The following TACC3 variants were observed in gnomAD, a reference collection of about 807,000 sequenced individuals.
TACC3 encodes transforming acidic coiled-coil-containing protein 3.
TACC3 carries 52 observed loss-of-function variants against 86.0 expected under a neutral mutation model. The ratio of observed to expected loss-of-function variants is 0.60; its 90% confidence interval spans 0.48 to 0.76. TACC3 has a LOEUF of 0.76. Among genes scored for constraint, TACC3 ranks in the 30% least tolerant of loss-of-function variants. The pLI is 0.00. For synonymous variants in TACC3, 512 were observed against 430.0 expected, an observed-to-expected ratio of 1.19 and a Z score of -2.36; for missense variants, 1,120 against 1,070.4, an observed-to-expected ratio of 1.05 and a Z score of -0.65.
At chr4:1,739,832 G>C in intron 11 of TACC3, 54 bp downstream of exon 11, 1 of 1,448,506 alleles carries the variant, frequency 6.9e-7, no homozygotes, top group Non-Finnish European at 9.4e-7. Flanking sequence ...CGCCATCCTT[G>C]TCCCCATCCC....
At chr4:1,720,853 A>G (rs765904780), upstream of TACC3, 1 of 1,563,088 alleles carries the variant, frequency 6.4e-7, no homozygotes, top group South Asian at 1.2e-5. The surrounding 1 kb of genome is among the most constrained non-coding windows in gnomAD (Gnocchi z 4.4). Flanking sequence ...AGCCGCCGGG[A>G]AGCTGTCGAG....
Position 1,744,759 on chromosome 4 carries a change from C to G in TACC3, c.2378C>G (p.Ala793Gly). Residue 793 changes from alanine to glycine, a missense_variant, in exon 15 of 16, where the codon GCG becomes GGG. By Grantham distance (60) the Ala-to-Gly change is moderately conservative. Transcript: ENST00000313288. Reference sequence around the variant, plus strand: ...GTCCGGAGCAAGGCCCAGGCGGAAGCGTTGGCCCTCCAGGCCAGCCTGAGG... The same window carrying G: ...GTCCGGAGCAAGGCCCAGGCGGAAGGGTTGGCCCTCCAGGCCAGCCTGAGG... ...AQVRSKAQAE[A>G]LALQASLRKE... 1 of 1,612,708 alleles carries G rather than the reference C, an allele frequency of 6.2e-7. No homozygotes were observed. Among genetic ancestry groups the G allele is most frequent in the Non-Finnish European group, 8.5e-7 (1 of 1,180,004 alleles).
chr4:1,723,374 T>TG (rs1261342620), intron 1 of TACC3, 47 bp from the exon 2 acceptor site: 21 of 1,587,534 alleles, frequency 1.3e-5, no homozygotes, highest in Non-Finnish European at 1.6e-5. Context: ...CTGGACAATG[T>TG]GGTAGTGTTG....
chr4:1,742,827 G>A (rs1718659330), intron 13 of TACC3, among the ~76,000 whole-genome samples: 1 of 151,072 alleles, frequency 6.6e-6, no homozygotes, highest in Non-Finnish European at 1.5e-5. Flanking sequence ...AATTAGTTAG[G>A]CATGGTGGTG....
rs748007838 is a variant in TACC3 at position 1,735,769 on chromosome 4, C to T, written c.1683C>T (p.Leu561=). 9 of 1,612,998 alleles carry T rather than the reference C, an allele frequency of 5.6e-6. No homozygotes were observed. In the South Asian group the frequency reaches 9.9e-5, roughly 18 times the overall value. ...CCTTGAGGAAGCAGTCCTTATACCT[C>T]AAGTTCGACCCCCTCCTGAGGGACA... ...ESALRKQSLY[L]KFDPLLRDSP... Residue 561 remains leucine (L), a synonymous_variant, in exon 8 of 16, where the codon CTC becomes CTT. Transcript: ENST00000313288. This position sits in a 1 kb window ranked among gnomAD's most constrained non-coding sequence, Gnocchi z 4.2.
At chr4:1,741,281 G>A (rs568818077) in intron 13 of TACC3, 21 of 265,576 alleles carry the variant, frequency 7.9e-5, no homozygotes, top group South Asian at 4.5e-4. Flanking sequence ...TTGAGACAGC[G>A]CTGGTGCACC....
Position 1,731,165 on chromosome 4 carries a change from C to T in TACC3, c.1462-7C>T, listed in dbSNP as rs1476870806. 3 of 1,613,182 alleles carry T rather than the reference C, an allele frequency of 1.9e-6. No homozygotes were observed. Among genetic ancestry groups the T allele is most frequent in the Non-Finnish European group, 2.5e-6 (3 of 1,179,934 alleles). On this transcript the variant is annotated splice_polypyrimidine_tract_variant and splice_region_variant and intron_variant, in intron 5 of 15. Coordinates refer to ENST00000313288, the MANE Select transcript of TACC3 (RefSeq NM_006342.3). Reference sequence around the variant, plus strand: ...ACTGCACAGGGTGACTCTGCCCTTTCCTCCAGGAGAGAGCCTTGAACTCTG... The same window carrying T: ...ACTGCACAGGGTGACTCTGCCCTTTTCTCCAGGAGAGAGCCTTGAACTCTG...
intron 4 of TACC3, 85 bp from the exon 5 acceptor site, chr4:1,730,802 A>G: frequency 1.4e-6 from 2 of 1,415,708 alleles, no homozygotes; most frequent in Non-Finnish European, 2.0e-6. Flanking sequence ...GTGCAGGGAA[A>G]GGCGATGGCA....
At position 1,728,403 on chromosome 4, in the gene TACC3, G is replaced by T. The variant is rs1717820288; in HGVS notation, c.1001G>T (p.Gly334Val). The change falls in exon 4 of 16, where the codon GGA becomes GTA. Residue 334 changes from glycine (G) to valine (V), a missense_variant. Coordinates refer to ENST00000313288, the MANE Select transcript of TACC3 (RefSeq NM_006342.3). Reference sequence around the variant, plus strand: ...CAAATGGCCAGCTCCTCGAGGAGCGGACCTGTAAAACTAGAATTTGATGTA... The same window carrying T: ...CAAATGGCCAGCTCCTCGAGGAGCGTACCTGTAAAACTAGAATTTGATGTA... ...AGQMASSSRS[G>V]PVKLEFDVSD... 1 of 1,613,302 alleles carries T rather than the reference G, an allele frequency of 6.2e-7. No homozygotes were observed. The highest frequency in any genetic ancestry group is 1.3e-5 in the African/African-American group (1 of 75,068).
intron 1 of TACC3, among the ~76,000 whole-genome samples, chr4:1,722,485 C>T (rs1717454445): frequency 6.6e-6 from 1 of 152,184 alleles, no homozygotes; most frequent in African/African-American, 2.4e-5. Context: ...TGCTTCCCTT[C>T]TGCTCTTAAC....
chr4:1,742,323 T>C (rs1718634681), intron 13 of TACC3, among the ~76,000 whole-genome samples: 2 of 152,214 alleles, frequency 1.3e-5, no homozygotes, highest in South Asian at 4.1e-4. Flanking sequence ...ACAGCGGCTT[T>C]GCTGACCTTC....
rs148906614 is a variant in TACC3 at position 1,739,759 on chromosome 4, G to A, written c.1999G>A (p.Gly667Arg). The A allele has an allele frequency of 4.7e-5, 74 of 1,586,684 alleles. No individual in the cohort carries two copies. Among genetic ancestry groups the A allele is most frequent in the African/African-American group, 1.1e-4 (8 of 74,356 alleles). The stretch of plus-strand genomic sequence containing the variant: ...GAGGAGCAGGTGTGAGGAGCTCCAC[G>A]GGAAGAACCTGGAACTGGGGTAAGG... ...ELRSRCEELH[G>R]KNLELGKIMD... Residue 667 changes from glycine (G) to arginine (R), a missense_variant, in exon 11 of 16, where the codon GGG becomes AGG. Physicochemically the swap from Gly to Arg is moderately radical, Grantham distance 125. Coordinates refer to ENST00000313288, the MANE Select transcript of TACC3 (RefSeq NM_006342.3).
chr4:1,735,970 G>A lies in TACC3; in HGVS notation c.1748+136G>A, dbSNP rs957670544. 10 of 682,038 alleles carry A rather than the reference G, an allele frequency of 1.5e-5. 1 individual carries two copies. The Admixed American group carries it at 1.5e-4, about 10-fold the overall frequency. 42.2% of individuals were successfully genotyped at this position (682,038 alleles called of 1,614,324 possible). On this transcript the variant is annotated intron_variant, in intron 8 of 15. Transcript: ENST00000313288. This position sits in a 1 kb window ranked among gnomAD's most constrained non-coding sequence, Gnocchi z 4.2. Reference sequence around the variant, plus strand: ...AGAACTGGAAAGGAGCTGTGCTAGGGGTGGGCTGGGCAGCAAGGCCAGAGC... The same window carrying A: ...AGAACTGGAAAGGAGCTGTGCTAGGAGTGGGCTGGGCAGCAAGGCCAGAGC...
rs1560331620 is a variant in TACC3, at chr4:1,744,784, G to A, written c.2403G>A (p.Arg801=). The part of the protein sequence containing the change: ...AEALALQASL[R]KEQMRIQSLE... ...CGTTGGCCCTCCAGGCCAGCCTGAG[G>A]AAGGAGCAGATGCGCATCCAGTCGC... is the stretch of plus-strand genomic sequence containing the variant. Residue 801 remains arginine (R), a synonymous_variant, in exon 15 of 16, where the codon AGG becomes AGA. Transcript: ENST00000313288. 1 of 1,612,896 alleles carries A rather than the reference G, an allele frequency of 6.2e-7. No individual in the cohort carries two copies. Among genetic ancestry groups the A allele is most frequent in the South Asian group, 1.1e-5 (1 of 91,086 alleles).
rs1308433473 is a variant in TACC3, at chr4:1,737,222, T to C, written c.1749-19T>C. ...ACTGGGAGGGCCTAGTGACTGAGGC[T>C]GCCTCTGCTTGGTGGCAGCATGCAC... On this transcript the variant is annotated intron_variant, in intron 8 of 15. Transcript: ENST00000313288. 26 of 1,610,980 alleles carry C rather than the reference T, an allele frequency of 1.6e-5. No individual in the cohort carries two copies. Among genetic ancestry groups the C allele is most frequent in the Admixed American group, 3.3e-5 (2 of 59,996 alleles).
rs137893182 is a variant in TACC3 at position 1,740,698 on chromosome 4, G to A, written c.2063-128G>A. The stretch of plus-strand genomic sequence containing the variant: ...TGGGTGGAGGGACCCATCACCCTCC[G>A]AGGCTCACACCCACTGCCCACCTCT... On this transcript the variant is annotated intron_variant, in intron 12 of 15. Transcript: ENST00000313288. 569 of 777,590 alleles carry A rather than the reference G, an allele frequency of 7.3e-4. 4 individuals carry two copies. Among genetic ancestry groups the A allele is most frequent in the African/African-American group, 7.2e-3 (410 of 57,304 alleles). 48.2% of individuals were successfully genotyped at this position (777,590 alleles called of 1,614,324 possible). A position where few individuals can be genotyped will look rare whatever the true frequency, so the allele number is the denominator to read the frequency against.
chr4:1,736,018 G>A (rs1401173706), intron 8 of TACC3, among the ~76,000 whole-genome samples, 184 bp downstream of exon 8: 1 of 152,250 alleles, frequency 6.6e-6, no homozygotes, highest in South Asian at 2.1e-4. Flanking sequence ...TCTGGCAGGA[G>A]CAACGGCAGC....
intron 4 of TACC3, chr4:1,730,440 A>G (rs918634649): frequency 1.1e-4 from 34 of 303,630 alleles, no homozygotes; most frequent in African/African-American, 6.3e-4. Flanking sequence ...CATATCTATA[A>G]TCTATTTCTA....
In TACC3 at chr4:1,734,388, A is replaced by G. The variant is rs371378639; in HGVS notation, c.1592-885A>G. On this transcript the variant is annotated intron_variant, in intron 6 of 15. Coordinates refer to ENST00000313288, the MANE Select transcript of TACC3 (RefSeq NM_006342.3). ...TTTTTCGTAGAGACAGGGTTTCCCC[A>G]TGTTGGCCAGGCTGGCCTCAAACTC... Among the ~76,000 whole-genome samples, 6 of 152,228 alleles carry G rather than the reference A, an allele frequency of 3.9e-5. No individual in the cohort carries two copies. In the East Asian group the frequency reaches 5.8e-4, roughly 15 times the overall value.
Sources: gnomAD v4.1 joint callset for allele counts (sites outside exome capture counted in the v4.1 genomes callset) on GRCh38, gnomAD v4.1.1 for gene constraint, Gnocchi (gnomAD v3.1) non-coding constraint, MANE v1.5 for transcripts, NCBI Gene and HGNC (gene_info 2026-07-23, HGNC 2026-07-21) for gene names.